LANCL3: variants seen among roughly 807,000 people sequenced by gnomAD.
LANCL3 encodes the protein LanC like family member 3.
A neutral mutation model predicts 26.5 loss-of-function variants in LANCL3; 19 were observed. The observed-to-expected ratio is 0.72, with a 90% CI of 0.50 to 1.05. LANCL3 has a LOEUF of 1.05. LANCL3 is among the 50% of genes least tolerant of loss of function. LANCL3 has a pLI of 0.00. For synonymous variants in LANCL3, 160 were observed against 166.6 expected (o/e 0.96, Z 0.30); for missense variants, 318 against 362.7 (o/e 0.88, Z 1.00).
chrX:37,661,355 A>G (rs782081009), intron 3 of LANCL3, among the ~76,000 whole-genome samples: 13 of 112,066 alleles, frequency 1.2e-4, no homozygotes, highest in Non-Finnish European at 2.1e-4. Flanking sequence ...ACAGTGCAGC[A>G]TAGGATTCAT....
At chrX:37,590,934 C>T (rs1924253367) in intron 1 of LANCL3, among the ~76,000 whole-genome samples, 2 of 111,904 alleles carry the variant, frequency 1.8e-5, no homozygotes, top group African/African-American at 6.5e-5. Flanking sequence ...CTGGGGAATA[C>T]ATTTCGAGAA....
At chrX:37,625,319 G>A (rs1556422860) in intron 1 of LANCL3, among the ~76,000 whole-genome samples, 1 of 111,657 alleles carries the variant, frequency 9.0e-6, no homozygotes, top group Non-Finnish European at 1.9e-5. Flanking sequence ...CAGCTTGGCT[G>A]CATGTGTGTC....
chrX:37,615,175 C>T (rs1556421579), intron 1 of LANCL3, among the ~76,000 whole-genome samples: 1 of 111,569 alleles, frequency 9.0e-6, no homozygotes, highest in Non-Finnish European at 1.9e-5. Flanking sequence ...CCCTGTGCTT[C>T]TAAAATTTTA....
In LANCL3 at chrX:37,675,226, A is replaced by G. The variant is rs139402859; in HGVS notation, c.1104-428A>G. On this transcript the variant is annotated intron_variant, in intron 4 of 4. Transcript: ENST00000378619. ...TTTTACAGTCTCTGCTTTTTGTCAT[A>G]TATAAACAAAAACCCAGCTTAGAGG... Among the ~76,000 whole-genome samples the G allele has an allele frequency of 1.1e-3, 118 of 112,272 alleles. 2 individuals carry two copies. In the East Asian group the frequency reaches 0.031, roughly 30 times the overall value.
intron 1 of LANCL3, among the ~76,000 whole-genome samples, chrX:37,627,381 C>T (rs1358403910): frequency 9.0e-6 from 1 of 111,339 alleles, no homozygotes; most frequent in African/African-American, 3.3e-5. Flanking sequence ...AGAGGAGAAT[C>T]TCACAGTAAT....
intron 1 of LANCL3, among the ~76,000 whole-genome samples, chrX:37,599,901 C>T (rs1308495144): frequency 8.9e-6 from 1 of 112,253 alleles, no homozygotes; most frequent in Non-Finnish European, 1.9e-5. Context: ...GCACAAATAT[C>T]CAAGGTAACC....
At chrX:37,606,013 G>A (rs1004282415) in intron 1 of LANCL3, among the ~76,000 whole-genome samples, 1 of 111,591 alleles carries the variant, frequency 9.0e-6, no homozygotes, top group African/African-American at 3.3e-5. Context: ...GACTCATATG[G>A]TTATAGCCAC....
At chrX:37,576,997 G>T (rs1212903562) in intron 1 of LANCL3, among the ~76,000 whole-genome samples, 1 of 112,694 alleles carries the variant, frequency 8.9e-6, no homozygotes, top group Non-Finnish European at 1.9e-5. Flanking sequence ...AAGGAGACAT[G>T]AGCAGGGTAA....
Position 37,682,540 on chromosome X carries a change from G to A in LANCL3, c.*6727G>A, listed in dbSNP as rs782278537. 1.8e-5 allele frequency: 2 copies of A among 111,793 alleles called. No homozygotes were observed. Among genetic ancestry groups the A allele is most frequent in the African/African-American group, 6.5e-5 (2 of 30,785 alleles). The allele number at this position is 111,793 out of a possible 1,213,427, so 9.2% of individuals were successfully genotyped here. ...ACTTGGTTTTAGTGGGGTCTCTGAC[G>A]TTGTCCCCACAAGTTTCATTTTAAA... is the stretch of plus-strand genomic sequence containing the variant. On this transcript the variant is annotated 3_prime_UTR_variant, in exon 5 of 5. Transcript: ENST00000378619.
intron 1 of LANCL3, among the ~76,000 whole-genome samples, chrX:37,584,777 T>C (rs1924011815): frequency 8.9e-6 from 1 of 111,858 alleles, no homozygotes; most frequent in African/African-American, 3.3e-5. Context: ...TTTGAAGGGT[T>C]TTTTGTTTCT....
intron 1 of LANCL3, among the ~76,000 whole-genome samples, chrX:37,599,235 A>G (rs1282801354): frequency 8.9e-6 from 1 of 112,187 alleles, no homozygotes; most frequent in African/African-American, 3.2e-5. Context: ...ATGTATCAGT[A>G]TGTTATTTTG....
chrX:37,577,349 A>G (rs1399893177), intron 1 of LANCL3, among the ~76,000 whole-genome samples: 5 of 112,875 alleles, frequency 4.4e-5, no homozygotes, highest in African/African-American at 1.6e-4. Flanking sequence ...TGTGAGCAGT[A>G]GCGTATGTGC....
At chrX:37,581,232 A>C (rs1291748583) in intron 1 of LANCL3, among the ~76,000 whole-genome samples, 6 of 112,080 alleles carry the variant, frequency 5.4e-5, no homozygotes, top group Non-Finnish European at 1.1e-4. Flanking sequence ...TCTTGTACTG[A>C]GGATGACTTC....
At chrX:37,590,379 G>A (rs1416396865) in intron 1 of LANCL3, among the ~76,000 whole-genome samples, 18 of 112,383 alleles carry the variant, frequency 1.6e-4, no homozygotes, top group African/African-American at 5.5e-4. Context: ...TCAGAAAACG[G>A]TTAATACAGT....
Position 37,636,407 on chromosome X carries a change from T to C in LANCL3, c.574-19281T>C, listed in dbSNP as rs1556425347. ...TCACCAAACTGCTTTCCACAGTGGCTGAAGTAATTTACATTCCTACAAGCC... is the reference window on the plus strand; with the variant it reads ...TCACCAAACTGCTTTCCACAGTGGCCGAAGTAATTTACATTCCTACAAGCC... On this transcript the variant is annotated intron_variant, in intron 1 of 4. Coordinates refer to ENST00000378619, the MANE Select transcript of LANCL3 (RefSeq NM_001170331.2). Among the ~76,000 whole-genome samples, 3 of 112,492 alleles carry C rather than the reference T, an allele frequency of 2.7e-5. No individual in the cohort carries two copies. The Admixed American group carries it at 2.8e-4, about 11-fold the overall frequency.
intron 4 of LANCL3, among the ~76,000 whole-genome samples, chrX:37,669,250 A>G (rs1870455194): frequency 9.0e-6 from 1 of 110,846 alleles, no homozygotes; most frequent in African/African-American, 3.3e-5. Context: ...GCTGGAGTGC[A>G]GTGGTGTGAT....
At chrX:37,661,351 C>A (rs782098875) in intron 3 of LANCL3, among the ~76,000 whole-genome samples, 2 of 111,865 alleles carry the variant, frequency 1.8e-5, no homozygotes, top group Non-Finnish European at 3.8e-5. Context: ...CGTAACAGTG[C>A]AGCATAGGAT....
chrX:37,648,111 G>A (rs1224324449), intron 1 of LANCL3, among the ~76,000 whole-genome samples: 5 of 112,350 alleles, frequency 4.5e-5, no homozygotes, highest in African/African-American at 6.4e-5. Flanking sequence ...ATACAGAGGC[G>A]TTAGAAAACT....
chrX:37,636,252 G>A (rs1407637101), intron 1 of LANCL3, among the ~76,000 whole-genome samples: 1 of 111,761 alleles, frequency 8.9e-6, no homozygotes, highest in Non-Finnish European at 1.9e-5. Context: ...GTTTGCTATT[G>A]TGAATAGTGC....
Sources: allele counts gnomAD v4.1 joint callset (sites outside exome capture counted in the v4.1 genomes callset), GRCh38; gene constraint gnomAD v4.1.1; transcripts MANE v1.5; gene names NCBI Gene and HGNC (gene_info 2026-07-23, HGNC 2026-07-21).